The following MIS18A variants were observed in gnomAD, a reference collection of about 807,000 sequenced individuals.
The protein encoded by MIS18A is protein Mis18-alpha.
MIS18A carries 14 observed loss-of-function variants against 25.0 expected under a neutral mutation model. The ratio of observed to expected loss-of-function variants is 0.56; its 90% confidence interval spans 0.37 to 0.88. The LOEUF (loss-of-function observed/expected upper bound fraction) is 0.88. MIS18A is among the 40% of genes least tolerant of loss of function. The pLI is 0.00. For synonymous variants in MIS18A, 134 were observed against 118.6 expected, an observed-to-expected ratio of 1.13 and a Z score of -0.84; for missense variants, 292 against 290.8, an observed-to-expected ratio of 1.00 and a Z score of -0.03.
chr21:32,269,269 G>A (rs2031669584), intron 4 of MIS18A, 152 bp from the exon 5 acceptor site: 2 of 601,006 alleles, frequency 3.3e-6, no homozygotes, highest in South Asian at 3.1e-5. Context: ...ACTATTTAGA[G>A]GCATAAATTT....
At chr21:32,192,367 C>T in the MIS18A span, among the ~76,000 whole-genome samples, 6 of 152,208 alleles carry the variant, frequency 3.9e-5, no homozygotes, top group African/African-American at 1.2e-4. Flanking sequence ...CTCCCCTCTG[C>T]TCAGGAACAA....
the MIS18A span, among the ~76,000 whole-genome samples, chr21:32,207,587 G>A: frequency 1.8e-4 from 28 of 152,276 alleles, no homozygotes; most frequent in Non-Finnish European, 3.1e-4. Flanking sequence ...AGCTGTCTAC[G>A]GTGGAGGGGC....
the MIS18A span, among the ~76,000 whole-genome samples, chr21:32,257,166 C>T: frequency 1.3e-5 from 2 of 152,108 alleles, no homozygotes. Flanking sequence ...GGGGACATAG[C>T]GATTGAGGAG....
chr21:32,197,464 C>G, the MIS18A span, among the ~76,000 whole-genome samples: 1 of 152,130 alleles, frequency 6.6e-6, no homozygotes, highest in Non-Finnish European at 1.5e-5. Context: ...GATAATGAAC[C>G]CAAGGATCCA....
chr21:32,183,764 A>T, the MIS18A span, among the ~76,000 whole-genome samples: 1 of 152,204 alleles, frequency 6.6e-6, no homozygotes, highest in South Asian at 2.1e-4. Context: ...CCATGTATAG[A>T]GATTTGCCTC....
At chr21:32,162,927 A>G in the MIS18A span, among the ~76,000 whole-genome samples, 2 of 152,186 alleles carry the variant, frequency 1.3e-5, no homozygotes, top group African/African-American at 2.4e-5. Flanking sequence ...GAGTAACACC[A>G]AGGACCTTAG....
chr21:32,194,583 T>A, the MIS18A span, among the ~76,000 whole-genome samples: 3 of 151,610 alleles, frequency 2.0e-5, no homozygotes, highest in Non-Finnish European at 1.5e-5. Flanking sequence ...CGCTTGAACC[T>A]GGGAGGCAGA....
the MIS18A span, among the ~76,000 whole-genome samples, chr21:32,160,239 G>C: frequency 7.4e-5 from 11 of 149,266 alleles, no homozygotes; most frequent in Admixed American, 4.7e-4. Context: ...AGGGAATTTG[G>C]GTAAGATAAA....
intron 2 of MIS18A, 54 bp from the exon 3 acceptor site, chr21:32,270,583 A>G: frequency 8.8e-6 from 13 of 1,469,272 alleles, no homozygotes; most frequent in Non-Finnish European, 1.1e-5. Context: ...TCATTATAAT[A>G]AAAATCTCAC....
chr21:32,220,308 G>A, the MIS18A span, among the ~76,000 whole-genome samples: 1 of 152,188 alleles, frequency 6.6e-6, no homozygotes, highest in Non-Finnish European at 1.5e-5. Flanking sequence ...CTGTTCTGCA[G>A]CCTCCACTGG....
the MIS18A span, among the ~76,000 whole-genome samples, chr21:32,191,998 C>T: frequency 1.3e-5 from 2 of 152,172 alleles, no homozygotes; most frequent in Admixed American, 1.3e-4. Context: ...TGCTCTTTCT[C>T]CTTCAAACAA....
chr21:32,252,345 AAGGC>A, the MIS18A span, among the ~76,000 whole-genome samples: 276 of 148,962 alleles, frequency 1.9e-3, 6 homozygotes, highest in East Asian at 0.043. Context: ...AGAATGAATG[AAGGC>A]AGGCAGGCAG....
At chr21:32,167,512 T>C in the MIS18A span, among the ~76,000 whole-genome samples, 1 of 152,134 alleles carries the variant, frequency 6.6e-6, no homozygotes, top group Admixed American at 6.5e-5. Flanking sequence ...AATAGTAGAT[T>C]AAACATAGCA....
At chr21:32,262,165 G>A in the MIS18A span, among the ~76,000 whole-genome samples, 43 of 152,308 alleles carry the variant, frequency 2.8e-4, 1 homozygote, top group East Asian at 8.3e-3. Context: ...TGCTTCCTAC[G>A]GAAGAGGGTT....
At chr21:32,264,635 T>G (rs758228922), downstream of MIS18A, among the ~76,000 whole-genome samples, 8 of 152,190 alleles carry the variant, frequency 5.3e-5, no homozygotes, top group Non-Finnish European at 1.0e-4. Flanking sequence ...AAACTGGGAC[T>G]TTGACCCTGG....
chr21:32,161,514 G>A, the MIS18A span, among the ~76,000 whole-genome samples: 24 of 148,388 alleles, frequency 1.6e-4, no homozygotes, highest in South Asian at 4.2e-4. Context: ...TTTTTGAGAC[G>A]GAGTGTCACT....
downstream of MIS18A, among the ~76,000 whole-genome samples, chr21:32,267,065 C>A (rs748359528): frequency 1.3e-5 from 2 of 152,168 alleles, no homozygotes; most frequent in Non-Finnish European, 2.9e-5. Context: ...CGGCCCAGGA[C>A]AGGGTGGCCC....
chr21:32,210,146 C>A, the MIS18A span, among the ~76,000 whole-genome samples: 3 of 152,282 alleles, frequency 2.0e-5, no homozygotes, highest in South Asian at 4.1e-4. Flanking sequence ...GAGGTGCTGG[C>A]ACTCACTTCT....
the MIS18A span, among the ~76,000 whole-genome samples, chr21:32,231,482 C>T: frequency 6.6e-6 from 1 of 152,126 alleles, no homozygotes; most frequent in African/African-American, 2.4e-5. Context: ...GTCACAACCA[C>T]AATGCGATAT....
Sources: gnomAD v4.1 joint callset for allele counts (sites outside exome capture counted in the v4.1 genomes callset) on GRCh38, gnomAD v4.1.1 for gene constraint, MANE v1.5 for transcripts, NCBI Gene and HGNC (gene_info 2026-07-23, HGNC 2026-07-21) for gene names.